Variants in BLTP1 observed in about 807,000 individuals in gnomAD.
BLTP1 encodes the protein bridge-like lipid transfer protein family member 1, also known as fragile site-associated protein.
chr4:122,273,055 A>C, the BLTP1 span: 1 of 216,606 alleles, frequency 4.6e-6, no homozygotes, highest in Admixed American at 6.5e-5. Flanking sequence ...TACAGCAATA[A>C]AGTTGCAGGG....
chr4:122,202,430 T>G, the BLTP1 span: 1 of 167,888 alleles, frequency 6.0e-6, no homozygotes, highest in African/African-American at 2.4e-5. Context: ...CCTTACTTTA[T>G]AGATGAGGAA....
chr4:122,187,375 T>A, the BLTP1 span: 1 of 1,600,304 alleles, frequency 6.2e-7, no homozygotes, highest in East Asian at 2.2e-5. Context: ...AAGTGAACTA[T>A]GTCCTCAGGT....
At chr4:122,309,731 T>C in the BLTP1 span, among the ~76,000 whole-genome samples, 5 of 152,180 alleles carry the variant, frequency 3.3e-5, no homozygotes, top group Admixed American at 2.0e-4. Flanking sequence ...AATTGATCCA[T>C]GTTTGACCAG....
the BLTP1 span, chr4:122,243,438 G>T: frequency 1.0e-6 from 1 of 985,098 alleles, no homozygotes; most frequent in Non-Finnish European, 1.2e-6. Context: ...AAGGTCTTTG[G>T]GACATAAAAT....
chr4:122,158,081 C>CA, the BLTP1 span, among the ~76,000 whole-genome samples: 2 of 151,870 alleles, frequency 1.3e-5, no homozygotes, highest in African/African-American at 4.8e-5. Flanking sequence ...AGTTTTACTT[C>CA]AAAAAAACCT....
At chr4:122,180,197 A>C in the BLTP1 span, 1 of 984,816 alleles carries the variant, frequency 1.0e-6, no homozygotes, top group South Asian at 4.7e-5. Flanking sequence ...TCATTTACTA[A>C]TATTGTGACT....
the BLTP1 span, chr4:122,266,969 C>G: frequency 2.8e-6 from 4 of 1,430,952 alleles, no homozygotes; most frequent in Non-Finnish European, 3.8e-6. Flanking sequence ...GTGTCTTTTG[C>G]ATTTTTGTGT....
chr4:122,248,121 C>A, the BLTP1 span: 7 of 984,986 alleles, frequency 7.1e-6, no homozygotes, highest in Non-Finnish European at 8.4e-6. Context: ...TTTCTCAAGG[C>A]TTATTTTTTT....
At chr4:122,171,236 A>G in the BLTP1 span, among the ~76,000 whole-genome samples, 8 of 152,184 alleles carry the variant, frequency 5.3e-5, no homozygotes, top group African/African-American at 1.7e-4. Context: ...TTTTCTAGGT[A>G]TATAGAAATA....
At chr4:122,359,549 C>T in the BLTP1 span, 2 of 1,607,030 alleles carry the variant, frequency 1.2e-6, no homozygotes, top group Non-Finnish European at 1.7e-6. Flanking sequence ...TCTAAATTTT[C>T]CTTATAGCCA....
the BLTP1 span, among the ~76,000 whole-genome samples, chr4:122,320,366 G>C: frequency 6.6e-6 from 1 of 151,936 alleles, no homozygotes. Flanking sequence ...GCCCAGGCTG[G>C]TCTCAAACTC....
the BLTP1 span, among the ~76,000 whole-genome samples, chr4:122,302,749 GA>G: frequency 6.6e-6 from 1 of 152,196 alleles, no homozygotes; most frequent in East Asian, 1.9e-4. Flanking sequence ...GGAATGATAA[GA>G]AAGCCAAACA....
At chr4:122,238,187 T>G in the BLTP1 span, 16 of 1,614,016 alleles carry the variant, frequency 9.9e-6, no homozygotes, top group Middle Eastern at 1.6e-4. Flanking sequence ...TCAAGTACCA[T>G]TACGATCTCA....
the BLTP1 span, chr4:122,331,053 A>G: frequency 3.9e-4 from 376 of 967,302 alleles, 1 homozygote; most frequent in African/African-American, 6.1e-3. Context: ...ATATTTTCCA[A>G]CATACACAGT....
chr4:122,209,074 G>T, the BLTP1 span: 4 of 1,293,236 alleles, frequency 3.1e-6, no homozygotes, highest in Non-Finnish European at 4.0e-6. Flanking sequence ...TTCCAAGATT[G>T]TTGTAGACAG....
chr4:122,260,118 A>G, the BLTP1 span: 28 of 165,068 alleles, frequency 1.7e-4, no homozygotes, highest in African/African-American at 6.0e-4. Context: ...CACCTAGACT[A>G]TATGGGATAG....
chr4:122,162,641 C>G, the BLTP1 span: 1 of 985,078 alleles, frequency 1.0e-6, no homozygotes, highest in East Asian at 1.1e-4. Flanking sequence ...CTAGGGTCAT[C>G]CTTCTGCTAG....
the BLTP1 span, chr4:122,349,836 A>C: frequency 6.2e-7 from 1 of 1,609,708 alleles, no homozygotes; most frequent in Non-Finnish European, 8.5e-7. The surrounding 1 kb of genome is among the most constrained non-coding windows in gnomAD (Gnocchi z 4.5). Flanking sequence ...CATCTGACAA[A>C]GATTTTGTTT....
At chr4:122,255,210 C>A in the BLTP1 span, 1 of 1,612,956 alleles carries the variant, frequency 6.2e-7, no homozygotes, top group Non-Finnish European at 8.5e-7. Context: ...GAAAATCCTT[C>A]ATGTTTACTA....
Sources: gnomAD v4.1 joint callset for allele counts (sites outside exome capture counted in the v4.1 genomes callset) on GRCh38, gnomAD v4.1.1 for gene constraint, Gnocchi (gnomAD v3.1) non-coding constraint, MANE v1.5 for transcripts, NCBI Gene and HGNC (gene_info 2026-07-23, HGNC 2026-07-21) for gene names.